The following LTBR variants were observed in gnomAD, a reference collection of about 807,000 sequenced individuals.
LTBR encodes tumor necrosis factor receptor superfamily member 3.
Under a neutral mutation model 45.4 loss-of-function variants are expected in LTBR, and 15 were observed. The ratio of observed to expected loss-of-function variants is 0.33; its 90% CI spans 0.22 to 0.51. The LOEUF is 0.51. Among genes scored for constraint, LTBR ranks in the 20% least tolerant of loss-of-function variants. The pLI, the probability that LTBR is intolerant of heterozygous loss-of-function variation, is 0.97. For missense variants in LTBR, 450 were observed against 565.5 expected (o/e 0.80, Z 2.07); for synonymous variants, 228 against 231.0 (o/e 0.99, Z 0.12).
upstream of LTBR, among the ~76,000 whole-genome samples, chr12:6,379,397 C>T (rs1261874099): frequency 6.6e-6 from 1 of 152,236 alleles, no homozygotes; most frequent in Non-Finnish European, 1.5e-5. Context: ...AAATTTTCTT[C>T]ACTTTTCCCT....
chr12:6,375,335 C>G, upstream of LTBR: 1 of 1,442,500 alleles, frequency 6.9e-7, no homozygotes. Flanking sequence ...GCCCTCAGCT[C>G]CAGCCTCTGG....
Position 6,390,897 on chromosome 12 carries a change from C to A in LTBR, c.1268C>A (p.Ser423Tyr). The change falls in exon 10 of 10, where the codon TCT becomes TAT. Residue 423 changes from serine to tyrosine, a missense_variant. Around this residue, in one of 3 missense-constraint regions of LTBR, gnomAD observed 71 missense variants for 90.4 expected, o/e 0.79. Transcript: ENST00000228918. ...AETEHCGATP[S>Y]NRGPRNQFIT... Reference sequence around the variant, plus strand: ...ACAGAGCACTGTGGTGCCACACCCTCTAACAGGGGCCCAAGGAACCAATTT... The same window carrying A: ...ACAGAGCACTGTGGTGCCACACCCTATAACAGGGGCCCAAGGAACCAATTT... The A allele has an allele frequency of 6.3e-7, 1 of 1,586,936 alleles. No individual in the cohort carries two copies. The highest frequency in any genetic ancestry group is 8.6e-7 in the Non-Finnish European group (1 of 1,168,388).
upstream of LTBR, among the ~76,000 whole-genome samples, chr12:6,379,528 A>G (rs1948957060): frequency 6.6e-6 from 1 of 152,204 alleles, no homozygotes; most frequent in Admixed American, 6.5e-5. Context: ...GGAAGACAAC[A>G]GTCCTTTCAG....
chr12:6,384,825 T>C (rs926352839), intron 2 of LTBR, 141 bp downstream of exon 2: 3 of 1,013,622 alleles, frequency 3.0e-6, no homozygotes, highest in Non-Finnish European at 3.0e-6. Flanking sequence ...ACCCTGGACA[T>C]CACGTGGAGG....
upstream of LTBR, among the ~76,000 whole-genome samples, chr12:6,379,792 C>T (rs73048458): frequency 3.2e-4 from 48 of 151,602 alleles, 1 homozygote; most frequent in Admixed American, 3.2e-3. Context: ...ATTAGCTGGG[C>T]ATAAGTGGTG....
At chr12:6,385,185 T>C in intron 3 of LTBR, 38 bp downstream of exon 3, 1 of 1,614,118 alleles carries the variant, frequency 6.2e-7, no homozygotes, top group Non-Finnish European at 8.5e-7. Flanking sequence ...CTGGATCCCC[T>C]GGAGCTTGGC....
upstream of LTBR, among the ~76,000 whole-genome samples, chr12:6,383,061 TTC>T (rs1949000506): frequency 6.6e-6 from 1 of 152,124 alleles, no homozygotes; most frequent in Admixed American, 6.5e-5. Context: ...GACTTGAAGA[TTC>T]AGCCTGGGCC....
chr12:6,383,189 C>G (rs1453586860), upstream of LTBR, among the ~76,000 whole-genome samples: 1 of 152,076 alleles, frequency 6.6e-6, no homozygotes, highest in East Asian at 1.9e-4. Context: ...TCAGTGAAGC[C>G]TCAAGGACAG....
chr12:6,387,360 A>T (rs967276730), intron 6 of LTBR: 4 of 152,226 alleles, frequency 2.6e-5, no homozygotes, highest in African/African-American at 9.7e-5. Flanking sequence ...TTTTCATTCC[A>T]CAATCTAAGT....
At chr12:6,375,682 G>C (rs1948894410) in intron 1 of LTBR, 4 of 1,460,964 alleles carry the variant, frequency 2.7e-6, no homozygotes, top group Admixed American at 4.8e-5. Context: ...GGTGAACTGG[G>C]AGTACTGGAC....
upstream of LTBR, among the ~76,000 whole-genome samples, chr12:6,379,946 AAC>A (rs1491283959): frequency 4.9e-5 from 7 of 141,546 alleles, no homozygotes; most frequent in African/African-American, 1.3e-4. Context: ...AAAAAAAAAA[AAC>A]AAAAAAAAAA....
chr12:6,375,284 C>T, upstream of LTBR: 1 of 1,438,932 alleles, frequency 6.9e-7, no homozygotes, highest in Non-Finnish European at 9.1e-7. Context: ...AATCCTGCCT[C>T]TCTTCCTCTC....
rs373466014 is a variant in LTBR, at chr12:6,388,885, G to A, written c.801+60G>A. The A allele has an allele frequency of 2.7e-5, 43 of 1,597,280 alleles. No homozygotes were observed. Among genetic ancestry groups the A allele is most frequent in the Non-Finnish European group, 3.6e-5 (42 of 1,165,640 alleles). On this transcript the variant is annotated intron_variant, in intron 8 of 9. Coordinates refer to ENST00000228918, the MANE Select transcript of LTBR (RefSeq NM_002342.3). The surrounding 1 kb of genome is among the most constrained non-coding windows in gnomAD (Gnocchi z 4.3). ...GAAGAGGTGATGAGGGTACAAGGTG[G>A]AGCAGACAGGAAGAGAGTATGCAGG...
chr12:6,385,904 CAAAAAA>C, intron 4 of LTBR, 156 bp from the exon 5 acceptor site: 9 of 357,532 alleles, frequency 2.5e-5, no homozygotes, highest in Admixed American at 5.3e-5. Flanking sequence ...GACTCCGTCT[CAAAAAA>C]AAAAAAAAAA....
In LTBR at chr12:6,384,224, T is replaced by G; in HGVS notation, c.-135T>G. The G allele has an allele frequency of 1.5e-6, 2 of 1,352,148 alleles. No homozygotes were observed. Among genetic ancestry groups the G allele is most frequent in the Non-Finnish European group, 1.9e-6 (2 of 1,057,488 alleles). 83.8% of individuals were successfully genotyped at this position (1,352,148 alleles called of 1,614,324 possible). A position where few individuals can be genotyped will look rare whatever the true frequency, so the allele number is the denominator to read the frequency against. On this transcript the variant is annotated 5_prime_UTR_variant, in exon 1 of 10. Coordinates refer to ENST00000228918, the MANE Select transcript of LTBR (RefSeq NM_002342.3). ...GGCCCGGCCTGGCCGCTCCCGGCCC[T>G]GGGGTGCACATCGGCCCTGAGTCCC... is the stretch of plus-strand genomic sequence containing the variant.
In LTBR at chr12:6,389,074, G is replaced by T. The variant is rs1949081194; in HGVS notation, c.801+249G>T. ...AAGAATAAGTTAAACTATATATCAG[G>T]TGGTATAATTGCTAAACAAAGCAGG... On this transcript the variant is annotated intron_variant, in intron 8 of 9. Transcript: ENST00000228918. 4 of 462,574 alleles carry T rather than the reference G, an allele frequency of 8.6e-6. No individual in the cohort carries two copies. In the Admixed American group the frequency reaches 1.1e-4, roughly 12 times the overall value. The allele number at this position is 462,574 out of a possible 1,614,324, so 28.7% of individuals were successfully genotyped here.
In LTBR at chr12:6,384,162, A is replaced by C. The variant is rs1405610605; in HGVS notation, c.-197A>C. 1 of 1,284,318 alleles carries C rather than the reference A, an allele frequency of 7.8e-7. No individual in the cohort carries two copies. The highest frequency in any genetic ancestry group is 9.8e-7 in the Non-Finnish European group (1 of 1,019,474). The allele number at this position is 1,284,318 out of a possible 1,614,324, so 79.6% of individuals were successfully genotyped here. A position where few individuals can be genotyped will look rare whatever the true frequency, so the allele number is the denominator to read the frequency against. On this transcript the variant is annotated 5_prime_UTR_variant, in exon 1 of 10. Transcript: ENST00000228918. ...CCCCGCCCCGCGGCCAGCTCGCTCC[A>C]CTCCCACTTCCTGAGCTCCGCCATG... is the stretch of plus-strand genomic sequence containing the variant.
rs1949078658 is a variant in LTBR, at chr12:6,388,848, C to A, written c.801+23C>A. 1 of 1,613,692 alleles carries A rather than the reference C, an allele frequency of 6.2e-7. No individual in the cohort carries two copies. Among genetic ancestry groups the A allele is most frequent in the Admixed American group, 1.7e-5 (1 of 59,986 alleles). On this transcript the variant is annotated intron_variant, in intron 8 of 9. Coordinates refer to ENST00000228918, the MANE Select transcript of LTBR (RefSeq NM_002342.3). The surrounding 1 kb of genome is among the most constrained non-coding windows in gnomAD (Gnocchi z 4.3). ...CAGGTAATGGCGGGGGCTGAGAAGG[C>A]AGCAAGAAGGGGAAGAGGTGATGAG...
Position 6,384,671 on chromosome 12 carries a change from C to T in LTBR, c.180C>T (p.Ser60=). The T allele has an allele frequency of 6.2e-7, 1 of 1,614,194 alleles. No homozygotes were observed. Among genetic ancestry groups the T allele is most frequent in the East Asian group, 2.2e-5 (1 of 44,880 alleles). ...YYEPQHRICC[S]RCPPGTYVSA... ...AGCCCCAGCACCGCATCTGCTGCTC[C>T]CGCTGCCCGCCAGGTGAGAGGCAAT... The change falls in exon 2 of 10, where the codon TCC becomes TCT. Residue 60 remains serine, a synonymous_variant. Transcript: ENST00000228918.
Sources: allele counts gnomAD v4.1 joint callset (sites outside exome capture counted in the v4.1 genomes callset), GRCh38; gene constraint gnomAD v4.1.1; regional missense constraint gnomAD v4.1.1; non-coding constraint Gnocchi (gnomAD v3.1); transcripts MANE v1.5; gene names NCBI Gene and HGNC (gene_info 2026-07-23, HGNC 2026-07-21).